Variants in SYNE1 observed in about 807,000 individuals in gnomAD.
SYNE1 encodes the protein spectrin repeat containing nuclear envelope protein 1, also known as nesprin-1.
A neutral mutation model predicts 1,111.0 loss-of-function variants in SYNE1; 616 were observed. That is an observed-to-expected ratio of 0.55 (90% CI 0.52 to 0.59). The LOEUF is 0.59. Ranked by LOEUF, SYNE1 falls within the 20% of genes least tolerant of loss-of-function variation. The pLI is 0.00. For missense variants in SYNE1, 10,006 were observed against 10,417.0 expected, an observed-to-expected ratio of 0.96 and a Z score of 1.72; for synonymous variants, 3,855 against 3,825.8, an observed-to-expected ratio of 1.01 and a Z score of -0.28.
At chr6:152,233,632 A>T in intron 112 of SYNE1, 149 bp downstream of exon 112, 1 of 1,018,284 alleles carries the variant, frequency 9.8e-7, no homozygotes, top group Non-Finnish European at 1.5e-6. Flanking sequence ...GCCAGAGTTC[A>T]CTCTTAATAT....
chr6:152,153,099 C>T (rs1348603843), intron 133 of SYNE1, among the ~76,000 whole-genome samples: 1 of 152,216 alleles, frequency 6.6e-6, no homozygotes, highest in Non-Finnish European at 1.5e-5. Context: ...TCCCCAAATT[C>T]TGTTTTCCTT....
intron 3 of SYNE1, among the ~76,000 whole-genome samples, chr6:152,570,217 C>A (rs1226795776): frequency 1.3e-5 from 2 of 152,082 alleles, no homozygotes; most frequent in African/African-American, 2.4e-5. Context: ...TTTCTCAGCA[C>A]CAAGCTATAT....
At chr6:152,376,302 G>A (rs2097281033) in intron 58 of SYNE1, 79 bp downstream of exon 58, 13 of 1,526,284 alleles carry the variant, frequency 8.5e-6, no homozygotes, top group Non-Finnish European at 1.2e-5. Flanking sequence ...CGCGGCCCAG[G>A]AGATGGGGAC....
chr6:152,248,554 C>T (rs1258938084), intron 105 of SYNE1, among the ~76,000 whole-genome samples: 1 of 151,998 alleles, frequency 6.6e-6, no homozygotes, highest in Non-Finnish European at 1.5e-5. Flanking sequence ...TCAACAGGCC[C>T]TACAAACTGC....
At chr6:152,495,118 C>G (rs1314953159) in intron 11 of SYNE1, among the ~76,000 whole-genome samples, 1 of 152,180 alleles carries the variant, frequency 6.6e-6, no homozygotes, top group African/African-American at 2.4e-5. Context: ...TCCTTTCCAT[C>G]ATGGAAATCT....
chr6:152,591,467 T>C (rs568069900), intron 3 of SYNE1, among the ~76,000 whole-genome samples: 1 of 152,262 alleles, frequency 6.6e-6, no homozygotes, highest in South Asian at 2.1e-4. Context: ...AGGCTGAAGA[T>C]TGAAACAGGA....
At chr6:152,627,157 A>C (rs938963405) in intron 3 of SYNE1, among the ~76,000 whole-genome samples, 6 of 152,342 alleles carry the variant, frequency 3.9e-5, no homozygotes, top group Non-Finnish European at 7.3e-5. Flanking sequence ...TATGACATTG[A>C]ATATATCGTT....
intron 39 of SYNE1, among the ~76,000 whole-genome samples, chr6:152,421,084 T>C (rs1357637470): frequency 6.6e-6 from 1 of 152,232 alleles, no homozygotes; most frequent in African/African-American, 2.4e-5. Context: ...AGAAAAACTT[T>C]ATAGAACCAA....
Position 152,206,185 on chromosome 6 carries a change from G to C in SYNE1, c.23002C>G (p.Leu7668Val), listed in dbSNP as rs150589796. 461 of 1,613,560 alleles carry C rather than the reference G, an allele frequency of 2.9e-4. 2 individuals carry two copies. The African/African-American group carries it at 5.5e-3, about 19-fold the overall frequency. ...GAACTTACTTTCAACAAGAAGGCTA[G>C]TTTTTTCTTCTGTTCTTCCAGCCGC... Reference protein sequence around the residue: ...SMRLEEQKKKLAFLLKDWEKC... With the variant: ...SMRLEEQKKKVAFLLKDWEKC... Residue 7668 changes from leucine (L) to valine (V), a missense_variant, in exon 126 of 146, where the codon CTA (leucine) becomes GTA (valine). By Grantham distance (32) the Leu-to-Val change is conservative (BLOSUM62 1). Around this residue, in one of 7 missense-constraint regions of SYNE1, gnomAD observed 2,182 missense variants for 2,287.8 expected, o/e 0.95. Transcript: ENST00000367255.
At chr6:152,319,122 T>C (rs2095808865) in intron 84 of SYNE1, 107 bp from the exon 85 acceptor site, 1 of 1,462,538 alleles carries the variant, frequency 6.8e-7, no homozygotes, top group South Asian at 1.2e-5. Flanking sequence ...TGCTTTGGCA[T>C]TGAAACACCT....
intron 139 of SYNE1, 48 bp downstream of exon 139, chr6:152,141,155 C>T: frequency 6.2e-7 from 1 of 1,613,518 alleles, no homozygotes. Context: ...CAAAGTGCTT[C>T]AGGATCTTCT....
intron 14 of SYNE1, among the ~76,000 whole-genome samples, chr6:152,482,456 T>C (rs1438421453): frequency 6.6e-6 from 1 of 152,222 alleles, no homozygotes; most frequent in Non-Finnish European, 1.5e-5. Flanking sequence ...AAATGAAGTA[T>C]ACAAATTCAA....
chr6:152,139,133 A>G (rs1326757512), intron 140 of SYNE1, among the ~76,000 whole-genome samples: 3 of 152,182 alleles, frequency 2.0e-5, no homozygotes, highest in Admixed American at 6.5e-5. Flanking sequence ...TTCCCTTACA[A>G]AGAGTTCTTG....
At chr6:152,336,070 T>C (rs537345266) in intron 76 of SYNE1, 1 of 152,062 alleles carries the variant, frequency 6.6e-6, no homozygotes, top group East Asian at 1.9e-4. Context: ...TTAAATTAAT[T>C]ACATATAGCT....
intron 3 of SYNE1, among the ~76,000 whole-genome samples, chr6:152,593,990 A>G (rs1014303741): frequency 6.6e-6 from 1 of 152,116 alleles, no homozygotes; most frequent in Non-Finnish European, 1.5e-5. Flanking sequence ...CTTTTTACCA[A>G]TGTTTTAGAT....
At position 152,626,982 on chromosome 6, in the gene SYNE1, C is replaced by T. The variant is rs558741694; in HGVS notation, c.67+1283G>A. Among the ~76,000 whole-genome samples the T allele has an allele frequency of 2.0e-5, 3 of 152,316 alleles. No homozygotes were observed. In the South Asian group the frequency reaches 6.2e-4, roughly 32 times the overall value. Reference sequence around the variant, plus strand: ...AAGTGGGTCTGTGACAAATTAATATCATTGATACTGTGCAAACCCACAATG... The same window carrying T: ...AAGTGGGTCTGTGACAAATTAATATTATTGATACTGTGCAAACCCACAATG... On this transcript the variant is annotated intron_variant, in intron 3 of 145. Transcript: ENST00000367255.
In SYNE1 at chr6:152,541,202, A is replaced by G. The variant is rs186214679; in HGVS notation, c.68-1181T>C. Among the ~76,000 whole-genome samples the G allele has an allele frequency of 2.9e-4, 44 of 152,346 alleles. 1 individual carries two copies. Among genetic ancestry groups the G allele is most frequent in the Admixed American group, 2.1e-3 (32 of 15,308 alleles). ...TTGACAGGAACAGCGTTGAATCTGT[A>G]GATTGCTTTGGGCAGTATGGATATT... On this transcript the variant is annotated intron_variant, in intron 3 of 145. Transcript: ENST00000367255.
At chr6:152,316,760 A>G in intron 87 of SYNE1, 89 bp downstream of exon 87, 1 of 1,515,542 alleles carries the variant, frequency 6.6e-7, no homozygotes, top group South Asian at 1.2e-5. Flanking sequence ...AAAATTTTAC[A>G]TCACAGCCCT....
At chr6:152,177,668 T>G (rs1474579684) in intron 129 of SYNE1, among the ~76,000 whole-genome samples, 1 of 152,184 alleles carries the variant, frequency 6.6e-6, no homozygotes, top group Non-Finnish European at 1.5e-5. Flanking sequence ...TTTATGTTAT[T>G]TCAACACAAT....
Sources: gnomAD v4.1 joint callset for allele counts (sites outside exome capture counted in the v4.1 genomes callset) on GRCh38, gnomAD v4.1.1 for gene constraint, gnomAD v4.1.1 regional missense constraint, MANE v1.5 for transcripts, NCBI Gene and HGNC (gene_info 2026-07-23, HGNC 2026-07-21) for gene names.